The following PSMC3 variants were observed in gnomAD, a reference collection of about 807,000 sequenced individuals.
The protein encoded by PSMC3 is proteasome 26S subunit, ATPase 3, also known as 26S proteasome regulatory subunit 6A.
A neutral mutation model predicts 52.0 loss-of-function variants in PSMC3; 11 were observed. The ratio of observed to expected loss-of-function variants is 0.21; its 90% CI spans 0.13 to 0.35. PSMC3 has a LOEUF of 0.35. PSMC3 is among the 10% of genes least tolerant of loss of function. The pLI is 1.00. For missense variants in PSMC3, 238 were observed against 567.1 expected, an observed-to-expected ratio of 0.42 and a Z score of 5.89; for synonymous variants, 201 against 218.8, an observed-to-expected ratio of 0.92 and a Z score of 0.72.
At position 47,420,275 on chromosome 11, in the gene PSMC3, C is replaced by T. The variant is rs908523486; in HGVS notation, c.1116G>A (p.Lys372=). The change falls in exon 10 of 12, where the codon AAG becomes AAA. Residue 372 remains lysine (K), a synonymous_variant. Coordinates refer to ENST00000298852, the MANE Select transcript of PSMC3 (RefSeq NM_002804.5). ...GTGCTCCTGCTCACCTGACATTCAT[C>T]TTTCGGGAGTGGATCTGCATGATTC... ...RARIMQIHSR[K]MNVSPDVNYE... is the part of the protein sequence containing the mutation. 1 of 1,614,196 alleles carries T rather than the reference C, an allele frequency of 6.2e-7. No homozygotes were observed. The highest frequency in any genetic ancestry group is 8.5e-7 in the Non-Finnish European group (1 of 1,180,038).
chr11:47,422,348 CCT>C lies in PSMC3; in HGVS notation c.884+224_884+225del, dbSNP rs758291742. Among the ~76,000 whole-genome samples the C allele has an allele frequency of 7.9e-5, 12 of 152,074 alleles. No homozygotes were observed. Among genetic ancestry groups the C allele is most frequent in the Non-Finnish European group, 1.6e-4 (11 of 68,026 alleles). On this transcript the variant is annotated intron_variant, in intron 8 of 11. Transcript: ENST00000298852. The surrounding 1 kb of genome is among the most constrained non-coding windows in gnomAD (Gnocchi z 4.3). The stretch of plus-strand genomic sequence containing the variant: ...TGAGCCACCGTGCCCGGCCCAGATT[CCT>C]GTTTTGAAAGGAACATGCTGGCAGC...
chr11:47,425,715 T>A, intron 2 of PSMC3, 152 bp downstream of exon 2: 1 of 651,930 alleles, frequency 1.5e-6, no homozygotes. Context: ...CTTTTAAGGC[T>A]TAGTTTTCTT....
At position 47,419,140 on chromosome 11, in the gene PSMC3, C is replaced by T. The variant is rs754397264; in HGVS notation, c.1185G>A (p.Gln395=). The T allele has an allele frequency of 1.9e-6, 3 of 1,614,104 alleles. No homozygotes were observed. The Admixed American group carries it at 5.0e-5, about 27-fold the overall frequency. ...ARCTDDFNGA[Q]CKAVCVEAGM... ...CCGCCTCCACACACACAGCCTTGCA[C>T]TGGGCCCCATTGAAGTCATCTGTGC... is the stretch of plus-strand genomic sequence containing the variant. The change falls in exon 11 of 12, where the codon CAG becomes CAA. Residue 395 remains glutamine, a synonymous_variant. Transcript: ENST00000298852.
At chr11:47,423,460 C>A (rs1226933327) in intron 6 of PSMC3, among the ~76,000 whole-genome samples, 1 of 151,432 alleles carries the variant, frequency 6.6e-6, no homozygotes, top group East Asian at 2.0e-4. Flanking sequence ...TGGCTATGGA[C>A]TCTCCAGGAA....
In PSMC3 at chr11:47,426,316, G is replaced by A. The variant is rs2096046445; in HGVS notation, c.-37C>T. Reference sequence around the variant, plus strand: ...GCGGGCAGAAGATGGGACCAGGCGGGAGCCGCAACGGGAGATTAATACCGT... The same window carrying A: ...GCGGGCAGAAGATGGGACCAGGCGGAAGCCGCAACGGGAGATTAATACCGT... On this transcript the variant is annotated 5_prime_UTR_variant, in exon 1 of 12. Coordinates refer to ENST00000298852, the MANE Select transcript of PSMC3 (RefSeq NM_002804.5). 1.3e-6 allele frequency: 2 copies of A among 1,509,878 alleles called. No individual in the cohort carries two copies. The highest frequency in any genetic ancestry group is 1.8e-6 in the Non-Finnish European group (2 of 1,114,088). The allele number at this position is 1,509,878 out of a possible 1,614,324, so 93.5% of individuals were successfully genotyped here.
rs761490320 is a variant in PSMC3, at chr11:47,422,641, C to G, written c.817G>C (p.Ala273Pro). 6.2e-7 allele frequency: 1 copy of G among 1,614,166 alleles called. No homozygotes were observed. Among genetic ancestry groups the G allele is most frequent in the Admixed American group, 1.7e-5 (1 of 60,012 alleles). ...GAGGGCGCTTTCTCCTTGGCCAGGG[C>G]AAAGGCATCCCGGACTAGCTTGGCA... is the stretch of plus-strand genomic sequence containing the variant. ...DGAKLVRDAF[A>P]LAKEKAPSII... The change falls in exon 8 of 12, where the codon GCC (alanine) becomes CCC (proline). Residue 273 changes from alanine to proline, a missense_variant. By Grantham distance (27) the Ala-to-Pro change is conservative. Coordinates refer to ENST00000298852, the MANE Select transcript of PSMC3 (RefSeq NM_002804.5). The surrounding 1 kb of genome is among the most constrained non-coding windows in gnomAD (Gnocchi z 4.3).
At position 47,418,797 on chromosome 11, in the gene PSMC3, C is replaced by A; in HGVS notation, c.*38G>T. 1.3e-6 allele frequency: 2 copies of A among 1,563,020 alleles called. No homozygotes were observed. Among genetic ancestry groups the A allele is most frequent in the Non-Finnish European group, 1.8e-6 (2 of 1,135,446 alleles). On this transcript the variant is annotated 3_prime_UTR_variant, in exon 12 of 12. Coordinates refer to ENST00000298852, the MANE Select transcript of PSMC3 (RefSeq NM_002804.5). ...AGGGACCCTAAACCATCTTTTATTG[C>A]GCACTTCAGCCGTGAGACTGGGGCT... is the stretch of plus-strand genomic sequence containing the variant.
chr11:47,424,783 C>T lies in PSMC3; in HGVS notation c.286-72G>A. On this transcript the variant is annotated intron_variant, in intron 3 of 11. Coordinates refer to ENST00000298852, the MANE Select transcript of PSMC3 (RefSeq NM_002804.5). This position sits in a 1 kb window ranked among gnomAD's most constrained non-coding sequence, Gnocchi z 4.8. ...TGCTTCCTAAGACAGTTCCTAATACCTGCAGGGCTGGCCATCCTTACCTCC... is the reference window on the plus strand; with the variant it reads ...TGCTTCCTAAGACAGTTCCTAATACTTGCAGGGCTGGCCATCCTTACCTCC... 7.5e-7 allele frequency: 1 copy of T among 1,339,140 alleles called. No individual in the cohort carries two copies. Among genetic ancestry groups the T allele is most frequent in the Non-Finnish European group, 1.1e-6 (1 of 933,792 alleles). 83.0% of individuals were successfully genotyped at this position (1,339,140 alleles called of 1,614,324 possible).
chr11:47,420,356 C>G lies in PSMC3; in HGVS notation c.1035G>C (p.Ser345=), dbSNP rs745712806. 2.5e-6 allele frequency: 4 copies of G among 1,614,172 alleles called. No individual in the cohort carries two copies. Among genetic ancestry groups the G allele is most frequent in the Non-Finnish European group, 3.4e-6 (4 of 1,180,032 alleles). ...VDILDPALLR[S]GRLDRKIEFP... is the part of the protein sequence containing the mutation. The stretch of plus-strand genomic sequence containing the variant: ...ACTCTATCTTGCGGTCAAGGCGGCC[C>G]GAGCGGAGGAGGGCGGGGTCCAGGA... Residue 345 remains serine, a synonymous_variant, in exon 10 of 12, where the codon TCG becomes TCC. Transcript: ENST00000298852.
chr11:47,420,514 T>A (rs894006740), intron 9 of PSMC3, 105 bp from the exon 10 acceptor site: 2 of 1,525,222 alleles, frequency 1.3e-6, no homozygotes, highest in Non-Finnish European at 1.8e-6. Context: ...GTGAGACACA[T>A]GGGATGTTAA....
Position 47,424,572 on chromosome 11 carries a change from C to T in PSMC3, c.390+35G>A. ...GTCCTGTCCCACATCCGCTCCTCAC[C>T]CTCCTCCAGTCTCTCATTGCTGAGC... On this transcript the variant is annotated intron_variant, in intron 4 of 11. Coordinates refer to ENST00000298852, the MANE Select transcript of PSMC3 (RefSeq NM_002804.5). This position sits in a 1 kb window ranked among gnomAD's most constrained non-coding sequence, Gnocchi z 4.8. The T allele has an allele frequency of 6.2e-7, 1 of 1,606,130 alleles. No individual in the cohort carries two copies. Among genetic ancestry groups the T allele is most frequent in the South Asian group, 1.1e-5 (1 of 90,904 alleles).
At position 47,424,017 on chromosome 11, in the gene PSMC3, G is replaced by A; in HGVS notation, c.591+29C>T. 6.2e-7 allele frequency: 1 copy of A among 1,614,056 alleles called. No homozygotes were observed. The highest frequency in any genetic ancestry group is 8.5e-7 in the Non-Finnish European group (1 of 1,179,954). On this transcript the variant is annotated intron_variant, in intron 6 of 11. Coordinates refer to ENST00000298852, the MANE Select transcript of PSMC3 (RefSeq NM_002804.5). This position sits in a 1 kb window ranked among gnomAD's most constrained non-coding sequence, Gnocchi z 4.8. ...GTGGAGAAACTAAAAGGCTGACAAG[G>A]CTGCTGGCAGCTGCCGTGCCTCCCT... is the stretch of plus-strand genomic sequence containing the variant.
At position 47,422,426 on chromosome 11, in the gene PSMC3, G is replaced by T. The variant is rs2096041702; in HGVS notation, c.884+148C>A. The T allele has an allele frequency of 1.1e-6, 1 of 926,068 alleles. No individual in the cohort carries two copies. The highest frequency in any genetic ancestry group is 1.6e-6 in the Non-Finnish European group (1 of 607,780). The allele number at this position is 926,068 out of a possible 1,614,324, so 57.4% of individuals were successfully genotyped here. On this transcript the variant is annotated intron_variant, in intron 8 of 11. Coordinates refer to ENST00000298852, the MANE Select transcript of PSMC3 (RefSeq NM_002804.5). This position sits in a 1 kb window ranked among gnomAD's most constrained non-coding sequence, Gnocchi z 4.3. ...AGGGAGGCTATTGATCAGGAGTTAGGAATTGGAATCTCAAGAGTTGAGGAG... is the reference window on the plus strand; with the variant it reads ...AGGGAGGCTATTGATCAGGAGTTAGTAATTGGAATCTCAAGAGTTGAGGAG...
chr11:47,425,324 A>G (rs945722378), intron 2 of PSMC3, 78 bp from the exon 3 acceptor site: 1 of 1,566,062 alleles, frequency 6.4e-7, no homozygotes, highest in Non-Finnish European at 8.7e-7. Flanking sequence ...AGTGAGGTCC[A>G]GGGTGCCCAG....
In PSMC3 at chr11:47,426,409, A is replaced by T; in HGVS notation, c.-130T>A. ...ACAAATCCCGACTCTTGACCCGACC[A>T]GCTCCGGCCGTGCTGCGGAGCAGCG... On this transcript the variant is annotated 5_prime_UTR_variant, in exon 1 of 12. Coordinates refer to ENST00000298852, the MANE Select transcript of PSMC3 (RefSeq NM_002804.5). 3 of 770,166 alleles carry T rather than the reference A, an allele frequency of 3.9e-6. No individual in the cohort carries two copies. Among genetic ancestry groups the T allele is most frequent in the Non-Finnish European group, 5.9e-6 (3 of 509,388 alleles). 47.7% of individuals were successfully genotyped at this position (770,166 alleles called of 1,614,324 possible).
rs1160249686 is a variant in PSMC3, at chr11:47,419,047, GC to G, written c.1209+68del. On this transcript the variant is annotated intron_variant, in intron 11 of 11. Transcript: ENST00000298852. ...CCTCAGCCGTCTCCACCAGCCAAATGCCCCCATCCTGTCCAGGGAGGGGGCA... is the reference window on the plus strand; with the variant it reads ...CCTCAGCCGTCTCCACCAGCCAAATGCCCCATCCTGTCCAGGGAGGGGGCA... The G allele has an allele frequency of 2.5e-6, 4 of 1,607,950 alleles. No individual in the cohort carries two copies. In the African/African-American group the frequency reaches 4.0e-5, roughly 16 times the overall value.
chr11:47,421,036 G>A (rs549900388), intron 8 of PSMC3, among the ~76,000 whole-genome samples: 7 of 152,180 alleles, frequency 4.6e-5, no homozygotes, highest in South Asian at 4.2e-4. Context: ...CCTGAGGTCA[G>A]GAGTTCGAGA....
rs368046306 is a variant in PSMC3 at position 47,420,250 on chromosome 11, G to A, written c.1127+14C>T. 32 of 1,613,630 alleles carry A rather than the reference G, an allele frequency of 2.0e-5. No individual in the cohort carries two copies. Among genetic ancestry groups the A allele is most frequent in the African/African-American group, 4.0e-5 (3 of 74,916 alleles). On this transcript the variant is annotated intron_variant, in intron 10 of 11. Transcript: ENST00000298852. ...CTGTTCAGGTCTCTGTGCCCTGCCC[G>A]TGCTCCTGCTCACCTGACATTCATC... is the stretch of plus-strand genomic sequence containing the variant.
In PSMC3 at chr11:47,422,471, G is replaced by A; in HGVS notation, c.884+103C>T. 7.2e-7 allele frequency: 1 copy of A among 1,396,782 alleles called. No homozygotes were observed. The highest frequency in any genetic ancestry group is 9.9e-7 in the Non-Finnish European group (1 of 1,014,938). The allele number at this position is 1,396,782 out of a possible 1,614,324, so 86.5% of individuals were successfully genotyped here. ...GAGGAGCCACCATCCAGGGGCAGGA[G>A]GGGATACAGGGTGGGAAGGAACCAC... On this transcript the variant is annotated intron_variant, in intron 8 of 11. Transcript: ENST00000298852. This position sits in a 1 kb window ranked among gnomAD's most constrained non-coding sequence, Gnocchi z 4.3.
Sources: gnomAD v4.1 joint callset for allele counts (sites outside exome capture counted in the v4.1 genomes callset) on GRCh38, gnomAD v4.1.1 for gene constraint, Gnocchi (gnomAD v3.1) non-coding constraint, MANE v1.5 for transcripts, NCBI Gene and HGNC (gene_info 2026-07-23, HGNC 2026-07-21) for gene names.